FREM2: variants seen among roughly 807,000 people sequenced by gnomAD.
The protein encoded by FREM2 is FRAS1 related extracellular matrix 2.
A neutral mutation model predicts 219.9 loss-of-function variants in FREM2; 119 were observed. The observed-to-expected ratio is 0.54, with a 90% CI of 0.47 to 0.63. The LOEUF is 0.63. FREM2 is among the 30% of genes least tolerant of loss of function. FREM2 has a pLI of 0.00. For missense variants in FREM2, 4,030 were observed against 3,993.6 expected (o/e 1.01, Z -0.25); for synonymous variants, 1,562 against 1,522.8 (o/e 1.03, Z -0.60).
Position 38,692,085 on chromosome 13 carries a change from C to A in FREM2, c.4741C>A (p.Leu1581Ile). The A allele has an allele frequency of 6.2e-7, 1 of 1,614,194 alleles. No individual in the cohort carries two copies. The highest frequency in any genetic ancestry group is 8.5e-7 in the Non-Finnish European group (1 of 1,180,018). ...CACCCAGGTGCCTATTCATGGCCAT[C>A]TCCTATTCAACAATACCAGACCTGT... ...TITQVPIHGH[L>I]LFNNTRPVMV... is the part of the protein sequence containing the mutation. The change falls in exon 1 of 24, where the codon CTC becomes ATC. Residue 1581 changes from leucine to isoleucine, a missense_variant. Coordinates refer to ENST00000280481, the MANE Select transcript of FREM2 (RefSeq NM_207361.6).
chr13:38,848,729 A>G, intron 8 of FREM2, 59 bp downstream of exon 8: 8 of 1,361,954 alleles, frequency 5.9e-6, no homozygotes, highest in Non-Finnish European at 8.2e-6. Flanking sequence ...GCTAAGGTTT[A>G]TGTATATATG....
intron 2 of FREM2, among the ~76,000 whole-genome samples, chr13:38,704,662 T>C (rs906227726): frequency 6.6e-6 from 1 of 152,120 alleles, no homozygotes; most frequent in Non-Finnish European, 1.5e-5. Flanking sequence ...TGATTTAGAT[T>C]TTGTGCTAAA....
intron 6 of FREM2, among the ~76,000 whole-genome samples, chr13:38,820,799 G>A (rs2137876192): frequency 6.6e-6 from 1 of 152,234 alleles, no homozygotes; most frequent in South Asian, 2.1e-4. Flanking sequence ...CCTCAGTGAT[G>A]TAAAGAGAGG....
chr13:38,880,702 G>A lies in FREM2; in HGVS notation c.9425G>A (p.Arg3142Lys). The A allele has an allele frequency of 1.2e-6, 2 of 1,614,208 alleles. No individual in the cohort carries two copies. Among genetic ancestry groups the A allele is most frequent in the Non-Finnish European group, 1.7e-6 (2 of 1,180,026 alleles). The change falls in exon 24 of 24, where the codon AGG (arginine) becomes AAG (lysine). Residue 3142 changes from arginine to lysine, a missense_variant. By Grantham distance (26) the Arg-to-Lys change is conservative. Transcript: ENST00000280481. ...ATGTGCAGGGGCAAGGAAAGTTTCA[G>A]GGGGAAGGATGCCCCGAAAGGCTCC... ...VLMCRGKESF[R>K]GKDAPKGSSS...
Position 38,876,092 on chromosome 13 carries a change from G to C in FREM2, c.8352G>C (p.Arg2784Ser), listed in dbSNP as rs754411963. 2 of 1,614,060 alleles carry C rather than the reference G, an allele frequency of 1.2e-6. No homozygotes were observed. The highest frequency in any genetic ancestry group is 4.5e-5 in the East Asian group (2 of 44,864). Residue 2784 changes from arginine to serine, a missense_variant, in exon 19 of 24, where the codon AGG (arginine) becomes AGC (serine). Arg to Ser is a moderately radical substitution (Grantham distance 110). Coordinates refer to ENST00000280481, the MANE Select transcript of FREM2 (RefSeq NM_207361.6). The part of the protein sequence containing the change: ...PGLTFSLRLI[R>S]SEPTYNQPVQ... ...TGACATTTTCCCTCCGCCTCATAAG[G>C]AGTGAACCAACCTATAACCAGCCAG... is the stretch of plus-strand genomic sequence containing the variant.
At chr13:38,736,867 GTT>G (rs5802956) in intron 2 of FREM2, among the ~76,000 whole-genome samples, 3 of 150,304 alleles carry the variant, frequency 2.0e-5, no homozygotes, top group Admixed American at 1.3e-4. Flanking sequence ...CAAACCGTTT[GTT>G]TTTTTTTTCT....
chr13:38,726,542 G>GA (rs1871531252), intron 2 of FREM2, among the ~76,000 whole-genome samples: 1 of 152,172 alleles, frequency 6.6e-6, no homozygotes, highest in South Asian at 2.1e-4. Context: ...TTTGTAAATG[G>GA]AGTCTATCAT....
chr13:38,773,695 G>A (rs1873761934), intron 4 of FREM2, among the ~76,000 whole-genome samples: 1 of 152,016 alleles, frequency 6.6e-6, no homozygotes, highest in Non-Finnish European at 1.5e-5. Context: ...CCAAAATGTT[G>A]AGATTACAGG....
In FREM2 at chr13:38,687,773, G is replaced by A; in HGVS notation, c.429G>A (p.Ala143=). ...PGEVRYSHLG[A]RSPSRDRVRL... ...AGGTGCGCTACTCTCACCTGGGCGC[G>A]CGCAGCCCGTCTCGGGACCGCGTCC... The change falls in exon 1 of 24, where the codon GCG becomes GCA. Residue 143 remains alanine (A), a synonymous_variant. Transcript: ENST00000280481. The A allele has an allele frequency of 6.5e-7, 1 of 1,538,340 alleles. No homozygotes were observed. Among genetic ancestry groups the A allele is most frequent in the Admixed American group, 1.9e-5 (1 of 52,538 alleles).
intron 6 of FREM2, among the ~76,000 whole-genome samples, chr13:38,837,393 G>A (rs1265601300): frequency 1.3e-5 from 2 of 152,168 alleles, no homozygotes; most frequent in African/African-American, 4.8e-5. Context: ...ATGCTATGTG[G>A]TGCTGAGAAG....
intron 2 of FREM2, among the ~76,000 whole-genome samples, chr13:38,740,495 T>G (rs1040922450): frequency 1.3e-5 from 2 of 152,200 alleles, no homozygotes; most frequent in Non-Finnish European, 2.9e-5. Context: ...GTAGATGAAT[T>G]TAATGATCAT....
chr13:38,836,984 T>C (rs9548473), intron 6 of FREM2, among the ~76,000 whole-genome samples: 21,525 of 152,100 alleles, frequency 0.14, 1,758 homozygotes, highest in Admixed American at 0.24. Flanking sequence ...CTTCTGCTAG[T>C]TTTTGAATTT....
At chr13:38,798,768 A>G (rs1333108569) in intron 6 of FREM2, among the ~76,000 whole-genome samples, 2 of 152,028 alleles carry the variant, frequency 1.3e-5, no homozygotes, top group Non-Finnish European at 2.9e-5. Context: ...GTAGTTGTTC[A>G]TAATAGTCTC....
intron 6 of FREM2, among the ~76,000 whole-genome samples, chr13:38,802,954 G>A (rs79982176): frequency 0.011 from 1,743 of 152,288 alleles, 24 homozygotes; most frequent in African/African-American, 0.04. Flanking sequence ...AGCTGAGCAG[G>A]TTGCCTTGCT....
chr13:38,766,630 C>G (rs1478755488), intron 3 of FREM2, among the ~76,000 whole-genome samples: 8 of 152,100 alleles, frequency 5.3e-5, no homozygotes, highest in Non-Finnish European at 1.0e-4. Flanking sequence ...TTGAGTACAG[C>G]TAAGAAACCA....
chr13:38,872,817 G>T lies in FREM2; in HGVS notation c.8059G>T (p.Gly2687Trp). ...YVSYVFHSPV[G>W]VGGWQHFDLK... ...TTCCTACGTGTTCCATTCCCCCGTG[G>T]GGGTAGGAGGCTGGCAGCATTTTGA... Residue 2687 changes from glycine to tryptophan, a missense_variant, in exon 17 of 24, where the codon GGG becomes TGG. Transcript: ENST00000280481. The T allele has an allele frequency of 1.9e-5, 30 of 1,614,054 alleles. No homozygotes were observed. The highest frequency in any genetic ancestry group is 2.5e-5 in the Non-Finnish European group (29 of 1,179,938).
At chr13:38,721,666 C>T (rs890872953) in intron 2 of FREM2, among the ~76,000 whole-genome samples, 6 of 152,146 alleles carry the variant, frequency 3.9e-5, no homozygotes, top group Non-Finnish European at 8.8e-5. Flanking sequence ...AGCTATTTCA[C>T]AGTTCTTGTT....
chr13:38,864,683 T>A, intron 16 of FREM2, 77 bp downstream of exon 16: 2 of 1,277,274 alleles, frequency 1.6e-6, no homozygotes, highest in Non-Finnish European at 2.3e-6. Flanking sequence ...TTGTACTAAG[T>A]CCCAACTCCA....
At chr13:38,750,815 C>T (rs1345509445) in intron 2 of FREM2, among the ~76,000 whole-genome samples, 2 of 152,128 alleles carry the variant, frequency 1.3e-5, no homozygotes, top group Admixed American at 6.5e-5. Context: ...TGCTCAGCCT[C>T]CCAAGTAGCT....
Sources: gnomAD v4.1 joint callset for allele counts (sites outside exome capture counted in the v4.1 genomes callset) on GRCh38, gnomAD v4.1.1 for gene constraint, MANE v1.5 for transcripts, NCBI Gene and HGNC (gene_info 2026-07-23, HGNC 2026-07-21) for gene names.